GPATCH2L: variants seen among roughly 807,000 people sequenced by gnomAD.
GPATCH2L encodes G-patch domain containing 2 like.
Under a neutral mutation model 57.4 loss-of-function variants are expected in GPATCH2L, and 31 were observed. The ratio of observed to expected loss-of-function variants is 0.54; its 90% CI spans 0.41 to 0.73. The LOEUF is 0.73. GPATCH2L is among the 30% of genes least tolerant of loss of function. The probability of loss-of-function intolerance (pLI) is 0.00; values close to 1 mark genes in which losing one functional copy is unlikely to be tolerated. For synonymous variants in GPATCH2L, 199 were observed against 210.7 expected, an observed-to-expected ratio of 0.94 and a Z score of 0.48; for missense variants, 481 against 599.9, an observed-to-expected ratio of 0.80 and a Z score of 2.07.
At chr14:76,179,878 A>G (rs2139710184) in intron 7 of GPATCH2L, 1 of 152,234 alleles carries the variant, frequency 6.6e-6, no homozygotes, top group South Asian at 2.1e-4. Flanking sequence ...AGCCCTCATA[A>G]TAACCCTGTA....
intron 5 of GPATCH2L, 111 bp downstream of exon 5, chr14:76,173,736 G>T: frequency 1.4e-6 from 1 of 736,400 alleles, no homozygotes. Context: ...AGTTAATGGA[G>T]CCAACTGGAA....
At chr14:76,177,543 GA>G (rs1335627677) in intron 6 of GPATCH2L, among the ~76,000 whole-genome samples, 2 of 151,870 alleles carry the variant, frequency 1.3e-5, no homozygotes, top group Non-Finnish European at 2.9e-5. Flanking sequence ...ATTTTACATA[GA>G]AAATAAAGAT....
At chr14:76,164,408 A>T (rs1013325735) in intron 2 of GPATCH2L, among the ~76,000 whole-genome samples, 1 of 152,182 alleles carries the variant, frequency 6.6e-6, no homozygotes, top group South Asian at 2.1e-4. Flanking sequence ...GCTTCAAATC[A>T]TGAGTATCAA....
At position 76,224,449 on chromosome 14, in the gene GPATCH2L, AAT is replaced by A. The variant is rs1395429037; in HGVS notation, c.66-5356_66-5355del. On this transcript the variant is annotated intron_variant and NMD_transcript_variant, in intron 1 of 3. Coordinates refer to the GPATCH2L transcript ENST00000556372. ...TACATTAGCATCGTAAGGCAGAAAA[AAT>A]ATCTCAATAGAATGATGCAGAAAAA... 1.5e-4 allele frequency among the ~76,000 whole-genome samples: 23 copies of A among 152,286 alleles called. 1 individual carries two copies. The South Asian group carries it at 4.1e-3, about 27-fold the overall frequency.
At chr14:76,180,904 T>C (rs2039536897) in intron 8 of GPATCH2L, 55 bp downstream of exon 8, 3 of 1,021,568 alleles carry the variant, frequency 2.9e-6, no homozygotes, top group South Asian at 2.5e-5. Context: ...TATTCCTTTC[T>C]ATTACCCCTC....
rs369138194 is a variant in GPATCH2L, at chr14:76,158,286, CCTT to C, written c.662+3264_662+3266del. Reference sequence around the variant, plus strand: ...AGATAGAGTGCTAAACCTACCCACTCCTTCTCCAGCCCAGGCTGACCTTCTGCG... The same window carrying C: ...AGATAGAGTGCTAAACCTACCCACTCCTCCAGCCCAGGCTGACCTTCTGCG... On this transcript the variant is annotated intron_variant, in intron 2 of 9. Transcript: ENST00000261530. Among the ~76,000 whole-genome samples, 497 of 152,314 alleles carry C rather than the reference CCTT, an allele frequency of 3.3e-3. 2 individuals are homozygous for C. The highest frequency in any genetic ancestry group is 0.012 in the African/African-American group (483 of 41,558).
At position 76,201,701 on chromosome 14, in the gene GPATCH2L, T is replaced by G; in HGVS notation, c.1299T>G (p.Asp433Glu). The change falls in exon 10 of 10, where the codon GAT (aspartate) becomes GAG (glutamate). Residue 433 changes from aspartate (D) to glutamate (E), a missense_variant. Around this residue, in one of 3 missense-constraint regions of GPATCH2L, gnomAD observed 248 missense variants for 270.5 expected, o/e 0.92. Transcript: ENST00000261530. ...TTGTAACCTTACTAGTTCACATGGA[T>G]GCAGTGGAGCCAACCACACCAGCAT... is the stretch of plus-strand genomic sequence containing the variant. The part of the protein sequence containing the change: ...SLSSPSAVHM[D>E]AVEPTTPASQ... 6 of 1,611,078 alleles carry G rather than the reference T, an allele frequency of 3.7e-6. No individual in the cohort carries two copies. Among genetic ancestry groups the G allele is most frequent in the Non-Finnish European group, 5.1e-6 (6 of 1,178,790 alleles).
At chr14:76,195,242 G>A (rs1269463436) in intron 8 of GPATCH2L, among the ~76,000 whole-genome samples, 2 of 152,168 alleles carry the variant, frequency 1.3e-5, no homozygotes, top group South Asian at 2.1e-4. Context: ...AGCATACCAC[G>A]TAGTTCAGTG....
At chr14:76,197,566 A>C (rs150035174) in intron 9 of GPATCH2L, among the ~76,000 whole-genome samples, 9 of 152,068 alleles carry the variant, frequency 5.9e-5, no homozygotes, top group Non-Finnish European at 1.3e-4. Flanking sequence ...TGAGTGCCCC[A>C]TGGAGGTGAA....
chr14:76,192,725 A>G (rs1276705022), intron 8 of GPATCH2L, among the ~76,000 whole-genome samples: 1 of 152,180 alleles, frequency 6.6e-6, no homozygotes, highest in Admixed American at 6.6e-5. Flanking sequence ...CAATGAAAGA[A>G]GCAACAAAAC....
chr14:76,178,754 A>G (rs1290345285), intron 7 of GPATCH2L: 1 of 152,440 alleles, frequency 6.6e-6, no homozygotes, highest in East Asian at 1.9e-4. Flanking sequence ...AATGCCCACG[A>G]TGGGGAGCAG....
In GPATCH2L at chr14:76,198,973, T is replaced by A. The variant is rs150338742; in HGVS notation, c.1289-2718T>A. Among the ~76,000 whole-genome samples, 512 of 152,304 alleles carry A rather than the reference T, an allele frequency of 3.4e-3. 2 individuals are homozygous for A. Among genetic ancestry groups the A allele is most frequent in the African/African-American group, 0.012 (496 of 41,574 alleles). ...CAGTAGTTCCATTTTAGGATGTCCC[T>A]TTTCTCAGGAGTCATAGGGCAAATT... On this transcript the variant is annotated intron_variant, in intron 9 of 9. Transcript: ENST00000261530.
intron 8 of GPATCH2L, among the ~76,000 whole-genome samples, chr14:76,182,603 A>G (rs1357137186): frequency 2.7e-5 from 4 of 150,622 alleles, no homozygotes; most frequent in East Asian, 1.9e-4. Flanking sequence ...AAAAAAAAAA[A>G]AAAGAAAAGA....
Position 76,194,484 on chromosome 14 carries a change from A to AGTGTGTGTGTGTGTGTGTGT in GPATCH2L, c.1194-1392_1194-1373dup, listed in dbSNP as rs59406744. On this transcript the variant is annotated intron_variant, in intron 8 of 9. Transcript: ENST00000261530. ...AGCTTTTGCTATTTAGAGACATGAA[A>AGTGTGTGTGTGTGTGTGTGT]GTGTGTGTGTGTGTGTGTGTGCACG... Among the ~76,000 whole-genome samples the AGTGTGTGTGTGTGTGTGTGT allele has an allele frequency of 7.3e-3, 1,101 of 151,160 alleles. 14 individuals carry two copies. The highest frequency in any genetic ancestry group is 0.024 in the African/African-American group (1,007 of 41,106).
chr14:76,171,729 G>GAAA (rs60245346), intron 3 of GPATCH2L, 114 bp from the exon 4 acceptor site: 17 of 565,496 alleles, frequency 3.0e-5, no homozygotes, highest in South Asian at 5.4e-5. Flanking sequence ...TCTCAAAAAG[G>GAAA]AAAAAAAAAA....
At chr14:76,155,554 A>G (rs1267743919) in intron 2 of GPATCH2L, among the ~76,000 whole-genome samples, 1 of 152,168 alleles carries the variant, frequency 6.6e-6, no homozygotes, top group East Asian at 1.9e-4. Context: ...GCTGACATTC[A>G]AATTGTCTGA....
At chr14:76,163,111 C>G (rs953931528) in intron 2 of GPATCH2L, among the ~76,000 whole-genome samples, 1 of 152,150 alleles carries the variant, frequency 6.6e-6, no homozygotes, top group African/African-American at 2.4e-5. Context: ...GTTGTAGTGG[C>G]CCTTCAGTGA....
chr14:76,235,084 C>T (rs2040591437), intron 2 of GPATCH2L, among the ~76,000 whole-genome samples: 1 of 150,618 alleles, frequency 6.6e-6, no homozygotes, highest in African/African-American at 2.4e-5. Context: ...AGGAGAATTG[C>T]TTGAACCCAG....
chr14:76,232,068 C>T (rs540182603), intron 2 of GPATCH2L, among the ~76,000 whole-genome samples: 4 of 7,084 alleles, frequency 5.6e-4, no homozygotes, highest in Non-Finnish European at 2.4e-3. Context: ...TGCGCCACCA[C>T]GCCCAGCTAA....
Sources: gnomAD v4.1 joint callset for allele counts (sites outside exome capture counted in the v4.1 genomes callset) on GRCh38, gnomAD v4.1.1 for gene constraint, gnomAD v4.1.1 regional missense constraint, MANE v1.5 for transcripts, NCBI Gene and HGNC (gene_info 2026-07-23, HGNC 2026-07-21) for gene names.